CDH9: variants seen among roughly 807,000 people sequenced by gnomAD.
CDH9 encodes the protein cadherin-9.
In CDH9, 28 loss-of-function variants were observed where a neutral mutation model predicts 70.9. The observed-to-expected ratio is 0.40, with a 90% CI of 0.29 to 0.54. The LOEUF (loss-of-function observed/expected upper bound fraction) is 0.54. CDH9 is among the 20% of genes least tolerant of loss of function. The probability of loss-of-function intolerance (pLI) is 0.59; values close to 1 mark genes in which losing one functional copy is unlikely to be tolerated. For synonymous variants in CDH9, 409 were observed against 343.1 expected, an observed-to-expected ratio of 1.19 and a Z score of -2.12; for missense variants, 874 against 984.4, an observed-to-expected ratio of 0.89 and a Z score of 1.50.
At chr5:26,963,591 G>T (rs1000898193) in intron 2 of CDH9, among the ~76,000 whole-genome samples, 1 of 151,874 alleles carries the variant, frequency 6.6e-6, no homozygotes, top group Non-Finnish European at 1.5e-5. Flanking sequence ...CTTTCAAAAG[G>T]TTCCGAGATA....
intron 9 of CDH9, 29 bp from the exon 10 acceptor site, chr5:26,886,112 T>G: frequency 6.4e-7 from 1 of 1,573,434 alleles, no homozygotes; most frequent in Non-Finnish European, 8.6e-7. Context: ...AATTAATTAA[T>G]TAAGCCTAAG....
chr5:26,975,378 G>A (rs1742289066), intron 2 of CDH9, among the ~76,000 whole-genome samples: 5 of 152,114 alleles, frequency 3.3e-5, no homozygotes, highest in Admixed American at 2.6e-4. Context: ...ATTCTTAAGA[G>A]TGACATATTG....
intron 1 of CDH9, among the ~76,000 whole-genome samples, chr5:27,038,139 C>T (rs560458287): frequency 3.0e-4 from 46 of 151,990 alleles, no homozygotes; most frequent in Middle Eastern, 6.8e-3. Context: ...AAAGCCACCA[C>T]AATCAACTGA....
At chr5:26,990,140 T>C (rs1579498080) in intron 1 of CDH9, among the ~76,000 whole-genome samples, 1 of 152,284 alleles carries the variant, frequency 6.6e-6, no homozygotes, top group East Asian at 1.9e-4. Context: ...ATTATCATCA[T>C]GATCATCACA....
At chr5:26,945,971 AG>A (rs534725118) in intron 2 of CDH9, among the ~76,000 whole-genome samples, 1 of 152,274 alleles carries the variant, frequency 6.6e-6, no homozygotes, top group African/African-American at 2.4e-5. Flanking sequence ...ACAAACTAAG[AG>A]AAAATGAAGA....
chr5:26,887,528 A>G (rs1740585793), intron 9 of CDH9, among the ~76,000 whole-genome samples: 1 of 151,674 alleles, frequency 6.6e-6, no homozygotes, highest in African/African-American at 2.4e-5. Flanking sequence ...TAATATATCA[A>G]TAACACACAT....
chr5:26,990,195 T>C (rs1026969425), intron 1 of CDH9, among the ~76,000 whole-genome samples: 5 of 152,172 alleles, frequency 3.3e-5, no homozygotes, highest in African/African-American at 1.2e-4. Context: ...GTTGCTCATA[T>C]TATAGGCATA....
At chr5:27,034,998 C>A (rs904588460) in intron 1 of CDH9, among the ~76,000 whole-genome samples, 2 of 151,216 alleles carry the variant, frequency 1.3e-5, no homozygotes, top group Non-Finnish European at 3.0e-5. Flanking sequence ...ATCCAGAATT[C>A]ATTGTTTTCA....
rs70939787 is a variant in CDH9 at position 26,951,945 on chromosome 5, ATTTATTTTATTTTAT to A, written c.229-36036_229-36022del. Among the ~76,000 whole-genome samples the A allele has an allele frequency of 5.5e-4, 66 of 119,326 alleles. 1 individual carries two copies. The highest frequency in any genetic ancestry group is 1.8e-3 in the African/African-American group (57 of 32,076). The allele number at this position is 119,326 out of a possible 152,430, so 78.3% of individuals were successfully genotyped here. On this transcript the variant is annotated intron_variant, in intron 2 of 11. Coordinates refer to ENST00000231021, the MANE Select transcript of CDH9 (RefSeq NM_016279.4). ...GTCCCCTTTCAACACTCATGTTAAA[ATTTATTTTATTTTAT>A]TTTATTTTATTTTATTTTATTTTAT...
At position 27,038,529 on chromosome 5, in the gene CDH9, C is replaced by G. The variant is rs898785953; in HGVS notation, c.-116G>C. ...GACAGTTCCGTTGTTGCTTCTGTCT[C>G]GGTCCTTCTCTTCCCTTTTTATAGT... is the stretch of plus-strand genomic sequence containing the variant. On this transcript the variant is annotated 5_prime_UTR_variant, in exon 1 of 12. Transcript: ENST00000231021. The G allele has an allele frequency of 1.3e-5, 2 of 151,990 alleles. No homozygotes were observed. Among genetic ancestry groups the G allele is most frequent in the Admixed American group, 6.6e-5 (1 of 15,230 alleles). 9.4% of individuals were successfully genotyped at this position (151,990 alleles called of 1,614,324 possible). A position where few individuals can be genotyped will look rare whatever the true frequency, so the allele number is the denominator to read the frequency against.
intron 2 of CDH9, among the ~76,000 whole-genome samples, chr5:26,923,623 C>T (rs1579453498): frequency 6.6e-6 from 1 of 151,976 alleles, no homozygotes; most frequent in Non-Finnish European, 1.5e-5. Context: ...GCAGAACATA[C>T]ATTCTTATTG....
At position 26,891,731 on chromosome 5, in the gene CDH9, A is replaced by C. The variant is rs556163297; in HGVS notation, c.1254-1167T>G. On this transcript the variant is annotated intron_variant, in intron 7 of 11. Transcript: ENST00000231021. ...AAATGGGAAGGCAGAAAATTGGTTT[A>C]GAGAGATGAAACAGAAGAAAAAAAG... 3.9e-5 allele frequency among the ~76,000 whole-genome samples: 6 copies of C among 152,252 alleles called. No homozygotes were observed. The South Asian group carries it at 1.2e-3, about 32-fold the overall frequency.
chr5:26,917,061 C>T (rs911737892), intron 2 of CDH9, among the ~76,000 whole-genome samples: 22 of 151,832 alleles, frequency 1.4e-4, no homozygotes, highest in East Asian at 3.9e-4. Context: ...CTAGGAATTA[C>T]GAATTGAAAA....
intron 2 of CDH9, among the ~76,000 whole-genome samples, chr5:26,964,244 A>G (rs1039321773): frequency 2.0e-5 from 3 of 151,982 alleles, no homozygotes; most frequent in Non-Finnish European, 4.4e-5. Context: ...TTCATGGTAG[A>G]ACATGGGGAA....
At chr5:26,969,934 A>G (rs1742190167) in intron 2 of CDH9, among the ~76,000 whole-genome samples, 1 of 146,652 alleles carries the variant, frequency 6.8e-6, no homozygotes, top group African/African-American at 2.5e-5. Flanking sequence ...ATATATATAT[A>G]TAATATATAT....
At chr5:27,023,896 A>G (rs1743180470) in intron 1 of CDH9, among the ~76,000 whole-genome samples, 1 of 151,720 alleles carries the variant, frequency 6.6e-6, no homozygotes, top group Admixed American at 6.6e-5. Context: ...TACTAAAAAT[A>G]CAACACTTAG....
chr5:26,993,936 G>A (rs1033349484), intron 1 of CDH9, among the ~76,000 whole-genome samples: 5 of 152,034 alleles, frequency 3.3e-5, no homozygotes, highest in Non-Finnish European at 7.4e-5. Context: ...GACTTGGACC[G>A]CAGAGCACTA....
chr5:26,963,978 G>T (rs1344547233), intron 2 of CDH9, among the ~76,000 whole-genome samples: 1 of 152,050 alleles, frequency 6.6e-6, no homozygotes, highest in African/African-American at 2.4e-5. Flanking sequence ...AATTATATGT[G>T]AGGTCCAAGG....
chr5:27,014,961 G>C (rs936152441), intron 1 of CDH9, among the ~76,000 whole-genome samples: 11 of 151,794 alleles, frequency 7.2e-5, no homozygotes, highest in African/African-American at 2.7e-4. Context: ...GATAAATAAC[G>C]GACCAAAAGT....
Sources: allele counts gnomAD v4.1 joint callset (sites outside exome capture counted in the v4.1 genomes callset), GRCh38; gene constraint gnomAD v4.1.1; transcripts MANE v1.5; gene names NCBI Gene and HGNC (gene_info 2026-07-23, HGNC 2026-07-21).